MYO15A: variants seen among roughly 807,000 people sequenced by gnomAD.
MYO15A encodes myosin XVA, also known as unconventional myosin-XV.
Under a neutral mutation model 394.6 loss-of-function variants are expected in MYO15A, and 308 were observed. The ratio of observed to expected loss-of-function variants is 0.78; its 90% CI spans 0.71 to 0.86. The LOEUF is 0.86. MYO15A is among the 40% of genes least tolerant of loss of function. MYO15A has a pLI of 0.00. For synonymous variants in MYO15A, 1,957 were observed against 2,003.8 expected (o/e 0.98, Z 0.62); for missense variants, 4,606 against 4,799.1 (o/e 0.96, Z 1.19).
At chr17:18,136,996 G>A (rs1259980215) in intron 15 of MYO15A, among the ~76,000 whole-genome samples, 1 of 152,246 alleles carries the variant, frequency 6.6e-6, no homozygotes, top group Non-Finnish European at 1.5e-5. Context: ...ATGAGGATGA[G>A]ACACTCCTGA....
In MYO15A at chr17:18,153,806, G is replaced by C. The variant is rs1189743489; in HGVS notation, c.7998G>C (p.Glu2666Asp). The change falls in exon 43 of 66, where the codon GAG becomes GAC. Residue 2666 changes from glutamate to aspartate, a missense_variant. By Grantham distance (45) the Glu-to-Asp change is conservative. This residue lies in a region of MYO15A where 2,776 missense variants were observed against 3,109.3 expected (regional missense o/e 0.89). Coordinates refer to ENST00000647165, the MANE Select transcript of MYO15A (RefSeq NM_016239.4). The surrounding 1 kb of genome is among the most constrained non-coding windows in gnomAD (Gnocchi z 4.1). ...CCTCGCGATCGCTGGAGCCCCCTGA[G>C]GAACTCACGCAGACGCGGCTGCACC... ...ALPSRSLEPP[E>D]ELTQTRLHRL... The C allele has an allele frequency of 1.7e-5, 27 of 1,613,710 alleles. No homozygotes were observed. The African/African-American group carries it at 3.5e-4, about 21-fold the overall frequency.
Position 18,131,348 on chromosome 17 carries a change from T to C in MYO15A, c.4142+6T>C, listed in dbSNP as rs368090576. On this transcript the variant is annotated splice_donor_region_variant and intron_variant, in intron 9 of 65. Transcript: ENST00000647165. ...GTGGAAATCTTTCTGGAAGGGTGAG[T>C]TGGGACAGTGGAGGGCCTCCCAAAA... 506 of 1,613,846 alleles carry C rather than the reference T, an allele frequency of 3.1e-4. No homozygotes were observed. Among genetic ancestry groups the C allele is most frequent in the Non-Finnish European group, 4.2e-4 (491 of 1,179,916 alleles).
chr17:18,178,942 C>G lies in MYO15A; in HGVS notation c.*72C>G, dbSNP rs2047053538. 3 of 1,475,632 alleles carry G rather than the reference C, an allele frequency of 2.0e-6. No homozygotes were observed. Among genetic ancestry groups the G allele is most frequent in the South Asian group, 1.2e-5 (1 of 86,326 alleles). 91.4% of individuals were successfully genotyped at this position (1,475,632 alleles called of 1,614,324 possible). A position where few individuals can be genotyped will look rare whatever the true frequency, so the allele number is the denominator to read the frequency against. ...TGGCCTCAGAGAAATCACTGAACCT[C>G]TCAGGATCAATGACCCCTGTAAGGG... is the stretch of plus-strand genomic sequence containing the variant. On this transcript the variant is annotated 3_prime_UTR_variant, in exon 66 of 66. Transcript: ENST00000647165.
At position 18,148,055 on chromosome 17, in the gene MYO15A, GCT is replaced by G; in HGVS notation, c.6537_6538del (p.Phe2180ProfsTer38). 16 of 1,614,006 alleles carry G rather than the reference GCT, an allele frequency of 9.9e-6. No homozygotes were observed. Among genetic ancestry groups the G allele is most frequent in the Non-Finnish European group, 1.4e-5 (16 of 1,180,040 alleles). The stretch of plus-strand genomic sequence containing the variant: ...TTTGTGTCTGATTATGGGCGGAATG[GCT>G]TCCAGGCTGTGTGTCAGCACCGCCT... On this transcript the variant is annotated frameshift_variant, in exon 31 of 66. Transcript: ENST00000647165. LOFTEE classifies it high-confidence loss of function. This position sits in a 1 kb window ranked among gnomAD's most constrained non-coding sequence, Gnocchi z 4.8.
Position 18,133,998 on chromosome 17 carries a change from A to AT in MYO15A, c.4482+618dup, listed in dbSNP as rs1173744443. Among the ~76,000 whole-genome samples, 5 of 144,910 alleles carry AT rather than the reference A, an allele frequency of 3.5e-5. No homozygotes were observed. In the East Asian group the frequency reaches 1.0e-3, roughly 30 times the overall value. On this transcript the variant is annotated intron_variant, in intron 12 of 65. Coordinates refer to ENST00000647165, the MANE Select transcript of MYO15A (RefSeq NM_016239.4). ...TATTTTATTTTATTTTTATTTATTTATTTTTTCTTTGAGATGGAGTCTCGC... is the reference window on the plus strand; with the variant it reads ...TATTTTATTTTATTTTTATTTATTTATTTTTTTCTTTGAGATGGAGTCTCGC...
chr17:18,121,022 C>T lies in MYO15A; in HGVS notation c.2222C>T (p.Pro741Leu), dbSNP rs925726957. 1.3e-5 allele frequency: 20 copies of T among 1,509,126 alleles called. No individual in the cohort carries two copies. The highest frequency in any genetic ancestry group is 1.8e-5 in the Non-Finnish European group (20 of 1,133,602). The allele number at this position is 1,509,126 out of a possible 1,614,324, so 93.5% of individuals were successfully genotyped here. ...VPPDLLAFPG[P>L]RPSFRGSRRR... is the part of the protein sequence containing the mutation. ...CCCGACCTACTAGCCTTCCCAGGGC[C>T]CCGACCCTCGTTCAGGGGCTCCCGC... The change falls in exon 2 of 66, where the codon CCC becomes CTC. Residue 741 changes from proline to leucine, a missense_variant. Around this residue, in one of 2 missense-constraint regions of MYO15A, gnomAD observed 1,830 missense variants for 1,689.7 expected, o/e 1.08. Coordinates refer to ENST00000647165, the MANE Select transcript of MYO15A (RefSeq NM_016239.4). This position sits in a 1 kb window ranked among gnomAD's most constrained non-coding sequence, Gnocchi z 5.3.
intron 1 of MYO15A, among the ~76,000 whole-genome samples, chr17:18,114,882 C>G (rs1306586168): frequency 1.3e-5 from 2 of 152,158 alleles, no homozygotes; most frequent in Non-Finnish European, 2.9e-5. Context: ...TCCCTCTATA[C>G]TCATTCCCTG....
chr17:18,158,478 G>C (rs148903962), intron 51 of MYO15A, 45 bp from the exon 52 acceptor site: 2 of 1,550,060 alleles, frequency 1.3e-6, no homozygotes. Flanking sequence ...AGGGCTAGGC[G>C]TGGTGTGGCC....
rs540814326 is a variant in MYO15A at position 18,118,606 on chromosome 17, G to A, written c.-195G>A. 271 of 727,278 alleles carry A rather than the reference G, an allele frequency of 3.7e-4. No homozygotes were observed. Among genetic ancestry groups the A allele is most frequent in the South Asian group, 2.4e-4 (13 of 53,712 alleles). 45.1% of individuals were successfully genotyped at this position (727,278 alleles called of 1,614,324 possible). A position where few individuals can be genotyped will look rare whatever the true frequency, so the allele number is the denominator to read the frequency against. On this transcript the variant is annotated 5_prime_UTR_variant, in exon 2 of 66. Coordinates refer to ENST00000647165, the MANE Select transcript of MYO15A (RefSeq NM_016239.4). ...GGGTGAAACCCAAGGCGCTCTAGAGGAGATGAATTATGGATCCGCCCTCCC... is the reference window on the plus strand; with the variant it reads ...GGGTGAAACCCAAGGCGCTCTAGAGAAGATGAATTATGGATCCGCCCTCCC...
intron 56 of MYO15A, 92 bp from the exon 57 acceptor site, chr17:18,161,225 A>G (rs764735184): frequency 6.6e-7 from 1 of 1,521,568 alleles, no homozygotes; most frequent in Non-Finnish European, 8.9e-7. Context: ...GCTGCCTGAG[A>G]GTTGGAATCT....
chr17:18,122,177 C>T lies in MYO15A; in HGVS notation c.3377C>T (p.Ser1126Phe). 1 of 1,613,146 alleles carries T rather than the reference C, an allele frequency of 6.2e-7. No homozygotes were observed. Among genetic ancestry groups the T allele is most frequent in the Non-Finnish European group, 8.5e-7 (1 of 1,180,020 alleles). The change falls in exon 2 of 66, where the codon TCT becomes TTT. Residue 1126 changes from serine (S) to phenylalanine (F), a missense_variant. Physicochemically the swap from Ser to Phe is radical, Grantham distance 155. This residue lies in a region of MYO15A where 1,830 missense variants were observed against 1,689.7 expected (regional missense o/e 1.08). Coordinates refer to ENST00000647165, the MANE Select transcript of MYO15A (RefSeq NM_016239.4). The part of the protein sequence containing the change: ...VVMPRVQKLS[S>F]FQRVGPATLK... ...ATGCCTCGTGTGCAGAAGCTGAGCT[C>T]TTTCCAGCGAGTTGGGCCTGCAACC...
At chr17:18,163,640 G>A (rs749658081) in intron 59 of MYO15A, 102 bp from the exon 60 acceptor site, 24 of 1,064,654 alleles carry the variant, frequency 2.3e-5, no homozygotes, top group Non-Finnish European at 3.2e-5. Context: ...TGTGAAGAGG[G>A]CTGAGGAACT....
chr17:18,135,190 G>T (rs1199125674), intron 12 of MYO15A, among the ~76,000 whole-genome samples: 1 of 151,726 alleles, frequency 6.6e-6, no homozygotes, highest in Non-Finnish European at 1.5e-5. Flanking sequence ...ATTTTTTCGA[G>T]ACGGAGTTTC....
At chr17:18,163,636 GA>G (rs1281799780) in intron 59 of MYO15A, 105 bp from the exon 60 acceptor site, 1 of 1,028,986 alleles carries the variant, frequency 9.7e-7, no homozygotes, top group East Asian at 2.6e-5. Context: ...CCTTTGTGAA[GA>G]GGGCTGAGGA....
Position 18,121,002 on chromosome 17 carries a change from C to T in MYO15A, c.2202C>T (p.Asp734=). ...PPAVSPEVPP[D]LLAFPGPRPS... ...CCGTGAGCCCGGAGGTGCCCCCCGA[C>T]CTACTAGCCTTCCCAGGGCCCCGAC... Residue 734 remains aspartate (D), a synonymous_variant, in exon 2 of 66, where the codon GAC becomes GAT. Transcript: ENST00000647165. The surrounding 1 kb of genome is among the most constrained non-coding windows in gnomAD (Gnocchi z 5.3). 6.6e-7 allele frequency: 1 copy of T among 1,507,606 alleles called. No individual in the cohort carries two copies. Among genetic ancestry groups the T allele is most frequent in the South Asian group, 1.2e-5 (1 of 81,190 alleles). The allele number at this position is 1,507,606 out of a possible 1,614,324, so 93.4% of individuals were successfully genotyped here.
rs750894019 is a variant in MYO15A, at chr17:18,144,557, G to A, written c.6238G>A (p.Glu2080Lys). The A allele has an allele frequency of 8.7e-6, 14 of 1,612,984 alleles. No homozygotes were observed. The highest frequency in any genetic ancestry group is 6.6e-5 in the South Asian group (6 of 91,074). Residue 2080 changes from glutamate (E) to lysine (K), a missense_variant, in exon 29 of 66, where the codon GAG (glutamate) becomes AAG (lysine). Physicochemically the swap from Glu to Lys is moderately conservative, Grantham distance 56. Around this residue, in one of 2 missense-constraint regions of MYO15A, gnomAD observed 2,776 missense variants for 3,109.3 expected, o/e 0.89. Transcript: ENST00000647165. ...LRTPLTQLPAEHHAEAVSIFK... is the reference protein window; with the variant it reads ...LRTPLTQLPAKHHAEAVSIFK... ...GACACCCCTCACGCAGCTGCCAGCCGAGCACCATGCAGAAGCCGTGAGCAT... is the reference window on the plus strand; with the variant it reads ...GACACCCCTCACGCAGCTGCCAGCCAAGCACCATGCAGAAGCCGTGAGCAT...
In MYO15A at chr17:18,153,704, T is replaced by C; in HGVS notation, c.7967-71T>C. The C allele has an allele frequency of 8.4e-7, 1 of 1,183,640 alleles. No homozygotes were observed. The highest frequency in any genetic ancestry group is 1.1e-6 in the Non-Finnish European group (1 of 905,400). 73.3% of individuals were successfully genotyped at this position (1,183,640 alleles called of 1,614,324 possible). A position where few individuals can be genotyped will look rare whatever the true frequency, so the allele number is the denominator to read the frequency against. Reference sequence around the variant, plus strand: ...CAACAGCGAAACTCCGTCTCAAAAATATATATATATATTAATTAAATAAAA... The same window carrying C: ...CAACAGCGAAACTCCGTCTCAAAAACATATATATATATTAATTAAATAAAA... On this transcript the variant is annotated intron_variant, in intron 42 of 65. Coordinates refer to ENST00000647165, the MANE Select transcript of MYO15A (RefSeq NM_016239.4). The surrounding 1 kb of genome is among the most constrained non-coding windows in gnomAD (Gnocchi z 4.1).
chr17:18,118,890 GA>G lies in MYO15A; in HGVS notation c.92del (p.Lys31ArgfsTer57), dbSNP rs760090242. 1.4e-5 allele frequency: 23 copies of G among 1,613,792 alleles called. No homozygotes were observed. The highest frequency in any genetic ancestry group is 1.9e-5 in the Non-Finnish European group (22 of 1,179,984). ...PEPEKPKRSLKGTSRLFMGFR... is the reference protein window; with the variant it reads ...PEPEKPKRSLXGTSRLFMGFR... ...AGCCGGAGAAGCCCAAACGGAGCCT[GA>G]AGGGGACGTCGCGGCTGTTCATGGG... is the stretch of plus-strand genomic sequence containing the variant. On this transcript the variant is annotated frameshift_variant, in exon 2 of 66. Transcript: ENST00000647165. LOFTEE classifies it high-confidence loss of function.
At position 18,121,553 on chromosome 17, in the gene MYO15A, C is replaced by T. The variant is rs1012118319; in HGVS notation, c.2753C>T (p.Thr918Met). The T allele has an allele frequency of 6.3e-7, 1 of 1,584,384 alleles. No homozygotes were observed. ...CCGCGAGAACCCGAGGACTCAGAGA[C>T]GCCCTGGACTGTGCCCCCACTGGCC... is the stretch of plus-strand genomic sequence containing the variant. ...ESPREPEDSE[T>M]PWTVPPLAPS... Residue 918 changes from threonine (T) to methionine (M), a missense_variant, in exon 2 of 66, where the codon ACG (threonine) becomes ATG (methionine). Physicochemically the swap from Thr to Met is moderately conservative, Grantham distance 81. Around this residue, in one of 2 missense-constraint regions of MYO15A, gnomAD observed 1,830 missense variants for 1,689.7 expected, o/e 1.08. Transcript: ENST00000647165. This position sits in a 1 kb window ranked among gnomAD's most constrained non-coding sequence, Gnocchi z 5.3.
Sources: gnomAD v4.1 joint callset for allele counts (sites outside exome capture counted in the v4.1 genomes callset) on GRCh38, gnomAD v4.1.1 for gene constraint, gnomAD v4.1.1 regional missense constraint, Gnocchi (gnomAD v3.1) non-coding constraint, MANE v1.5 for transcripts, NCBI Gene and HGNC (gene_info 2026-07-23, HGNC 2026-07-21) for gene names.